The following INTS14 variants were observed in gnomAD, a reference collection of about 807,000 sequenced individuals.
INTS14 encodes integrator complex subunit 14.
INTS14 carries 27 observed loss-of-function variants against 56.9 expected under a neutral mutation model. The observed-to-expected ratio is 0.47, with a 90% CI of 0.35 to 0.65. INTS14 has a LOEUF of 0.65. Among genes scored for constraint, INTS14 ranks in the 30% least tolerant of loss-of-function variants. INTS14 has a pLI of 0.00. For synonymous variants in INTS14, 207 were observed against 236.2 expected, an observed-to-expected ratio of 0.88 and a Z score of 1.13; for missense variants, 517 against 632.2, an observed-to-expected ratio of 0.82 and a Z score of 1.95.
rs763031365 is a variant in INTS14 at position 65,598,357 on chromosome 15, C to A, written c.712G>T (p.Glu238Ter). 8 of 1,614,040 alleles carry A rather than the reference C, an allele frequency of 5.0e-6. No homozygotes were observed. The Admixed American group carries it at 8.3e-5, about 17-fold the overall frequency. ...FPRPEPFVVD[E>*]EIDPIPKVIN... ...ACTTTAGGGATAGGATCAATTTCTT[C>A]ATCTACAACAAAAGGTTCTGGCCTG... Residue 238 changes from glutamate (E) to a stop codon, truncating the protein, a stop_gained, in exon 6 of 12, where the codon GAA becomes TAA. Transcript: ENST00000313182. LOFTEE classifies it high-confidence loss of function.
rs754048264 is a variant in INTS14 at position 65,595,770 on chromosome 15, C to T, written c.804G>A (p.Leu268=). The change falls in exon 7 of 12, where the codon CTG becomes CTA. Residue 268 remains leucine, a synonymous_variant. Transcript: ENST00000313182. ...DIADISSPPV[L]SRHLVLPIAL... ...CTATAGGTAAGACCAGATGTCTGGA[C>T]AGAACTGGGGGACTTGAAATATCAG... The T allele has an allele frequency of 6.2e-7, 1 of 1,610,554 alleles. No individual in the cohort carries two copies. Among genetic ancestry groups the T allele is most frequent in the South Asian group, 1.1e-5 (1 of 90,070 alleles).
At chr15:65,604,606 T>C (rs537866890) in intron 3 of INTS14, among the ~76,000 whole-genome samples, 1 of 151,938 alleles carries the variant, frequency 6.6e-6, no homozygotes, top group Admixed American at 6.6e-5. Context: ...GGCATTTGCC[T>C]GTAGTCTCAG....
chr15:65,596,818 C>T (rs1204115118), intron 6 of INTS14, among the ~76,000 whole-genome samples: 2 of 152,186 alleles, frequency 1.3e-5, no homozygotes, highest in Non-Finnish European at 2.9e-5. Context: ...CCCGCCTTGG[C>T]CTCCCAAACT....
In INTS14 at chr15:65,590,556, C is replaced by T. The variant is rs964030408; in HGVS notation, c.1120+1042G>A. Among the ~76,000 whole-genome samples, 10 of 152,196 alleles carry T rather than the reference C, an allele frequency of 6.6e-5. No homozygotes were observed. The East Asian group carries it at 1.9e-3, about 29-fold the overall frequency. On this transcript the variant is annotated intron_variant, in intron 9 of 11. Transcript: ENST00000313182. ...GTAGGTGTTCTGTTTGCCCAGGATG[C>T]CCTTTCTTCCCTTCATTAGCTCAGC...
intron 9 of INTS14, among the ~76,000 whole-genome samples, chr15:65,589,067 T>C (rs992328901): frequency 1.3e-5 from 2 of 152,250 alleles, no homozygotes; most frequent in African/African-American, 2.4e-5. Flanking sequence ...AAGCCAAGTG[T>C]TGCTATGTTG....
chr15:65,587,745 C>T (rs2072878934), intron 9 of INTS14, among the ~76,000 whole-genome samples: 1 of 152,082 alleles, frequency 6.6e-6, no homozygotes, highest in Admixed American at 6.6e-5. Context: ...ATTTGGGAGG[C>T]TAAGGTGGAG....
chr15:65,608,046 A>G (rs977264127), intron 1 of INTS14, among the ~76,000 whole-genome samples: 7 of 152,230 alleles, frequency 4.6e-5, no homozygotes, highest in Non-Finnish European at 1.0e-4. Flanking sequence ...AAACTGGCCA[A>G]TGGTGCTTCA....
intron 4 of INTS14, chr15:65,599,332 A>AG (rs2073342619): frequency 5.1e-6 from 1 of 194,814 alleles, no homozygotes; most frequent in Non-Finnish European, 1.0e-5. Context: ...AGAAAAACTG[A>AG]GGGGAAAAAA....
At chr15:65,597,448 C>G (rs2073254109) in intron 6 of INTS14, among the ~76,000 whole-genome samples, 1 of 152,166 alleles carries the variant, frequency 6.6e-6, no homozygotes. Flanking sequence ...GTCCACCCAC[C>G]AATAGGAAGC....
rs1318909180 is a variant in INTS14 at position 65,581,957 on chromosome 15, A to T, written c.1302T>A (p.Tyr434Ter). 2.5e-6 allele frequency: 4 copies of T among 1,613,354 alleles called. No individual in the cohort carries two copies. The change falls in exon 11 of 12, where the codon TAT (tyrosine) becomes TAA (stop). Residue 434 changes from tyrosine (Y) to a stop codon, truncating the protein, a stop_gained. Transcript: ENST00000313182. LOFTEE classifies it high-confidence loss of function. ...RKLPEKTQTF[Y>*]KELNRLRKAA... ...CATCCTCTTCTGTCTGTCTCACCTT[A>T]TAGAATGTCTGTGTTTTTTCAGGTA...
chr15:65,582,087 A>G, intron 10 of INTS14, 68 bp from the exon 11 acceptor site: 2 of 1,292,294 alleles, frequency 1.5e-6, no homozygotes, highest in South Asian at 2.6e-5. Context: ...AATATAAAAG[A>G]ATGGATCTAA....
Position 65,579,347 on chromosome 15 carries a change from G to GTT in INTS14, c.*59_*60dup. On this transcript the variant is annotated 3_prime_UTR_variant, in exon 12 of 12. Transcript: ENST00000313182. ...TTCTAGAGGTGAACATACTGGAAAG[G>GTT]TTTTTACCTAAAGCATTTTCAGTTG... 5 of 1,576,996 alleles carry GTT rather than the reference G, an allele frequency of 3.2e-6. No homozygotes were observed. Among genetic ancestry groups the GTT allele is most frequent in the Non-Finnish European group, 4.3e-6 (5 of 1,158,374 alleles).
At chr15:65,599,545 AG>A in intron 4 of INTS14, 1 of 426,014 alleles carries the variant, frequency 2.3e-6, no homozygotes, top group Non-Finnish European at 4.1e-6. Context: ...TGCACCCATC[AG>A]CAGGATGGAT....
chr15:65,611,058 C>A, intron 1 of INTS14, 40 bp downstream of exon 1: 1 of 1,535,550 alleles, frequency 6.5e-7, no homozygotes. Context: ...CCCCAACAAG[C>A]AGCGAAAGGC....
intron 7 of INTS14, among the ~76,000 whole-genome samples, chr15:65,594,627 C>T (rs1387979367): frequency 6.9e-6 from 1 of 145,688 alleles, no homozygotes; most frequent in East Asian, 2.1e-4. Flanking sequence ...TGGTCTCAAT[C>T]TCCTGACCTT....
intron 10 of INTS14, among the ~76,000 whole-genome samples, chr15:65,584,525 G>A (rs1218963010): frequency 6.6e-6 from 1 of 152,092 alleles, no homozygotes; most frequent in African/African-American, 2.4e-5. Flanking sequence ...TGGGTTCCTG[G>A]CACAATTGTC....
intron 1 of INTS14, 134 bp from the exon 2 acceptor site, chr15:65,607,576 C>G (rs898683627): frequency 1.9e-6 from 2 of 1,034,396 alleles, no homozygotes; most frequent in African/African-American, 3.2e-5. Flanking sequence ...CTGTAGAGAA[C>G]TCAGTGAGAG....
chr15:65,609,428 A>G (rs530967208), intron 1 of INTS14, among the ~76,000 whole-genome samples: 2 of 152,162 alleles, frequency 1.3e-5, no homozygotes, highest in African/African-American at 2.4e-5. Flanking sequence ...GTCCTGCACA[A>G]TATTGGTTCA....
In INTS14 at chr15:65,579,419, C is replaced by T. The variant is rs1394971131; in HGVS notation, c.1546G>A (p.Glu516Lys). The change falls in exon 12 of 12, where the codon GAA becomes AAA. Residue 516 changes from glutamate (E) to lysine (K), a missense_variant. Transcript: ENST00000313182. Reference sequence around the variant, plus strand: ...TCCAAAAGTCAGTTTCAAATTCTTTCAGTGCTGCTCCCAGAGAAGTCCGTG... The same window carrying T: ...TCCAAAAGTCAGTTTCAAATTCTTTTAGTGCTGCTCCCAGAGAAGTCCGTG... ...LHTDFSGSST[E>K]RI The T allele has an allele frequency of 1.2e-6, 2 of 1,607,916 alleles. No individual in the cohort carries two copies. The highest frequency in any genetic ancestry group is 3.4e-5 in the Admixed American group (2 of 59,598).
Sources: gnomAD v4.1 joint callset for allele counts (sites outside exome capture counted in the v4.1 genomes callset) on GRCh38, gnomAD v4.1.1 for gene constraint, MANE v1.5 for transcripts, NCBI Gene and HGNC (gene_info 2026-07-23, HGNC 2026-07-21) for gene names.